Variants in TUBD1 observed in about 807,000 individuals in gnomAD.
TUBD1 encodes the protein tubulin delta chain.
Under a neutral mutation model 51.2 loss-of-function variants are expected in TUBD1, and 38 were observed. The ratio of observed to expected loss-of-function variants is 0.74; its 90% CI spans 0.57 to 0.97. The LOEUF (loss-of-function observed/expected upper bound fraction) is 0.97, where lower values mean the gene tolerates loss of function less well. Ranked by LOEUF, TUBD1 falls within the 50% of genes least tolerant of loss-of-function variation. The pLI is 0.00. For synonymous variants in TUBD1, 169 were observed against 178.2 expected (o/e 0.95, Z 0.41); for missense variants, 489 against 538.4 (o/e 0.91, Z 0.91).
At chr17:59,871,510 T>C (rs1189766898) in intron 6 of TUBD1, among the ~76,000 whole-genome samples, 1 of 152,126 alleles carries the variant, frequency 6.6e-6, no homozygotes, top group African/African-American at 2.4e-5. Context: ...AATGAAGATA[T>C]TTGTAGCCTC....
At chr17:59,872,178 T>A (rs1248122604) in intron 6 of TUBD1, among the ~76,000 whole-genome samples, 2 of 152,166 alleles carry the variant, frequency 1.3e-5, no homozygotes, top group East Asian at 3.8e-4. Flanking sequence ...GCCAGGATGG[T>A]CTCGATCTTC....
At chr17:59,878,618 T>C in intron 4 of TUBD1, 1 of 298,380 alleles carries the variant, frequency 3.4e-6, no homozygotes, top group Non-Finnish European at 6.4e-6. Flanking sequence ...CAGCTGGAAT[T>C]ACAGGCTTGT....
intron 5 of TUBD1, among the ~76,000 whole-genome samples, chr17:59,877,111 CA>C (rs1329497889): frequency 2.0e-5 from 3 of 151,790 alleles, no homozygotes; most frequent in African/African-American, 7.3e-5. Context: ...CCACCCTCCT[CA>C]GCCTCCCAAC....
rs780076674 is a variant in TUBD1, at chr17:59,891,025, T to C, written c.-23A>G. On this transcript the variant is annotated 5_prime_UTR_variant, in exon 2 of 9. Coordinates refer to ENST00000325752, the MANE Select transcript of TUBD1 (RefSeq NM_016261.4). ...CATGCTGAGCCACAAACTAGGTGTA[T>C]TACCTCTAAAAACAACCTGTAATCG... The C allele has an allele frequency of 2.5e-6, 4 of 1,591,112 alleles. No individual in the cohort carries two copies. The highest frequency in any genetic ancestry group is 1.1e-5 in the South Asian group (1 of 88,032).
chr17:59,874,106 G>A (rs1428900388), intron 6 of TUBD1, among the ~76,000 whole-genome samples: 74 of 140,556 alleles, frequency 5.3e-4, no homozygotes, highest in African/African-American at 1.8e-3. Context: ...GGAGAATGGT[G>A]TGAACCCGGG....
Position 59,863,803 on chromosome 17 carries a change from C to T in TUBD1, c.1120G>A (p.Val374Ile). The T allele has an allele frequency of 6.2e-7, 1 of 1,604,382 alleles. No individual in the cohort carries two copies. The highest frequency in any genetic ancestry group is 1.1e-5 in the South Asian group (1 of 88,814). The change falls in exon 8 of 9, where the codon GTT becomes ATT. Residue 374 changes from valine to isoleucine, a missense_variant. Physicochemically the swap from Val to Ile is conservative, Grantham distance 29 (BLOSUM62 3). Transcript: ENST00000325752. ...GTTTTCCACACGTTGAAAGCATTAA[C>T]AGGCTTCAACCAGGAAGTATACAGA... Reference protein sequence around the residue: ...PALYTSWLKPVNAFNVWKTQR... With the variant: ...PALYTSWLKPINAFNVWKTQR...
Position 59,878,088 on chromosome 17 carries a change from T to G in TUBD1, c.769+15A>C, listed in dbSNP as rs1412900522. 1.3e-6 allele frequency: 2 copies of G among 1,599,006 alleles called. No individual in the cohort carries two copies. Among genetic ancestry groups the G allele is most frequent in the African/African-American group, 2.7e-5 (2 of 74,678 alleles). The stretch of plus-strand genomic sequence containing the variant: ...ATAAGGCTTTCCTATAATTAACGTA[T>G]AGAGGGACAAATACCTAGTGGATTT... On this transcript the variant is annotated intron_variant, in intron 5 of 8. Coordinates refer to ENST00000325752, the MANE Select transcript of TUBD1 (RefSeq NM_016261.4).
chr17:59,891,246 T>TCAGCCTCCC (rs1328954580), intron 1 of TUBD1, among the ~76,000 whole-genome samples: 1 of 152,156 alleles, frequency 6.6e-6, no homozygotes, highest in African/African-American at 2.4e-5. Context: ...TTCTCCTGCC[T>TCAGCCTCCC]CAGCCTCCCG....
At chr17:59,891,141 T>TC (rs1345877501) in intron 1 of TUBD1, 100 bp from the exon 2 acceptor site, 2 of 663,342 alleles carry the variant, frequency 3.0e-6, no homozygotes, top group African/African-American at 1.9e-5. Flanking sequence ...AAGTCTTTTT[T>TC]CCCCCCTGAG....
chr17:59,878,418 T>C (rs1466802808), intron 4 of TUBD1, 84 bp from the exon 5 acceptor site: 2 of 962,330 alleles, frequency 2.1e-6, no homozygotes, highest in Non-Finnish European at 3.2e-6. Flanking sequence ...CTGGCAGGGT[T>C]CAAATCCGGG....
intron 2 of TUBD1, among the ~76,000 whole-genome samples, chr17:59,888,457 AG>A (rs2040835637): frequency 6.6e-6 from 1 of 152,208 alleles, no homozygotes; most frequent in African/African-American, 2.4e-5. Flanking sequence ...CAAGAGCACA[AG>A]GAACAATAAT....
chr17:59,874,544 T>C lies in TUBD1; in HGVS notation c.929A>G (p.Glu310Gly). Residue 310 changes from glutamate to glycine, a missense_variant, in exon 6 of 9, where the codon GAA becomes GGA. Coordinates refer to ENST00000325752, the MANE Select transcript of TUBD1 (RefSeq NM_016261.4). ...ATTTTTGGACTACTCTTTACCTTCTTCCATCTTTGCATTAGAAATGAGCAT... is the reference window on the plus strand; with the variant it reads ...ATTTTTGGACTACTCTTTACCTTCTCCCATCTTTGCATTAGAAATGAGCAT... The part of the protein sequence containing the change: ...RQMLISNAKM[E>G]EGIDRHVWPP... 6.2e-7 allele frequency: 1 copy of C among 1,611,472 alleles called. No individual in the cohort carries two copies. The highest frequency in any genetic ancestry group is 8.5e-7 in the Non-Finnish European group (1 of 1,179,532).
chr17:59,867,325 C>T (rs75333689), intron 6 of TUBD1, among the ~76,000 whole-genome samples: 2,163 of 152,106 alleles, frequency 0.014, 43 homozygotes, highest in Middle Eastern at 0.017. Flanking sequence ...CATCATTTTT[C>T]CTGTTTAAAA....
intron 6 of TUBD1, among the ~76,000 whole-genome samples, chr17:59,870,825 G>C (rs1273516946): frequency 1.3e-5 from 2 of 152,204 alleles, no homozygotes; most frequent in East Asian, 3.8e-4. Context: ...TGCAATGTCC[G>C]TAAGGGTCCA....
Position 59,889,327 on chromosome 17 carries a change from A to G in TUBD1, c.172+1504T>C, listed in dbSNP as rs187345417. Among the ~76,000 whole-genome samples the G allele has an allele frequency of 8.0e-3, 1,197 of 150,426 alleles. 8 individuals are homozygous for G. Among genetic ancestry groups the G allele is most frequent in the Non-Finnish European group, 9.3e-3 (626 of 67,610 alleles). ...CTGCGCCCTGCTGGAAAGAGTTTTT[A>G]TACGTTACTGTTATCAAACGCAGTA... On this transcript the variant is annotated intron_variant, in intron 2 of 8. Coordinates refer to ENST00000325752, the MANE Select transcript of TUBD1 (RefSeq NM_016261.4).
chr17:59,868,108 CAAAAAAAA>C (rs35401242), intron 6 of TUBD1, among the ~76,000 whole-genome samples: 7 of 26,812 alleles, frequency 2.6e-4, no homozygotes, highest in South Asian at 4.2e-3. Flanking sequence ...ACTAAAAATA[CAAAAAAAA>C]AAAAAAAAAA....
At chr17:59,867,741 C>G (rs1258854889) in intron 6 of TUBD1, among the ~76,000 whole-genome samples, 1 of 151,900 alleles carries the variant, frequency 6.6e-6, no homozygotes, top group Non-Finnish European at 1.5e-5. Flanking sequence ...GACCGATGTG[C>G]TAATGGGATG....
Position 59,862,714 on chromosome 17 carries a change from A to ATTTTTTT in TUBD1, c.1259+943_1259+949dup, listed in dbSNP as rs71145582. 4.0e-4 allele frequency among the ~76,000 whole-genome samples: 23 copies of ATTTTTTT among 56,986 alleles called. 3 individuals are homozygous for ATTTTTTT. Among genetic ancestry groups the ATTTTTTT allele is most frequent in the African/African-American group, 6.7e-4 (8 of 11,868 alleles). 37.4% of individuals were successfully genotyped at this position (56,986 alleles called of 152,430 possible). On this transcript the variant is annotated intron_variant, in intron 8 of 8. Coordinates refer to ENST00000325752, the MANE Select transcript of TUBD1 (RefSeq NM_016261.4). ...ACCACTATGCCAAGCTAATTTTTGTATTTTTTTTTTTTTTTTTTTTTTTTT... is the reference window on the plus strand; with the variant it reads ...ACCACTATGCCAAGCTAATTTTTGTATTTTTTTTTTTTTTTTTTTTTTTTTTTTTTTT...
At position 59,892,816 on chromosome 17, in the gene TUBD1, G is replaced by A. The variant is rs182585513; in HGVS notation, c.-159C>T. ...GAACAAATGCGCATGTTCCATAAAC[G>A]GAGAGTTTTGTTGTGTATATATTTT... On this transcript the variant is annotated 5_prime_UTR_variant, in exon 1 of 9. Transcript: ENST00000325752. The A allele has an allele frequency of 5.4e-3, 1,041 of 194,542 alleles. 17 individuals carry two copies. The highest frequency in any genetic ancestry group is 0.042 in the South Asian group (426 of 10,058). 12.1% of individuals were successfully genotyped at this position (194,542 alleles called of 1,614,324 possible). A position where few individuals can be genotyped will look rare whatever the true frequency, so the allele number is the denominator to read the frequency against.
Sources: gnomAD v4.1 joint callset for allele counts (sites outside exome capture counted in the v4.1 genomes callset) on GRCh38, gnomAD v4.1.1 for gene constraint, MANE v1.5 for transcripts, NCBI Gene and HGNC (gene_info 2026-07-23, HGNC 2026-07-21) for gene names.